Variants in ASH1L observed in about 807,000 individuals in gnomAD.
The protein encoded by ASH1L is ASH1 like histone lysine methyltransferase, also known as histone-lysine N-methyltransferase ASH1L.
A neutral mutation model predicts 269.0 loss-of-function variants in ASH1L; 23 were observed. The observed-to-expected ratio is 0.09, with a 90% CI of 0.06 to 0.12. The LOEUF (loss-of-function observed/expected upper bound fraction) is 0.12, where lower values mean the gene tolerates loss of function less well. ASH1L is among the 10% of genes least tolerant of loss of function. The probability of loss-of-function intolerance (pLI) is 1.00; values close to 1 mark genes in which losing one functional copy is unlikely to be tolerated. For missense variants in ASH1L, 2,912 were observed against 3,567.8 expected, an observed-to-expected ratio of 0.82 and a Z score of 4.68; for synonymous variants, 1,187 against 1,253.5, an observed-to-expected ratio of 0.95 and a Z score of 1.12.
At chr1:155,376,181 A>G (rs1009298092) in intron 10 of ASH1L, among the ~76,000 whole-genome samples, 1 of 152,240 alleles carries the variant, frequency 6.6e-6, no homozygotes, top group African/African-American at 2.4e-5. Flanking sequence ...GTGAGTAAAG[A>G]AAATCAGTAT....
chr1:155,499,961 T>C (rs1272490820), intron 2 of ASH1L, among the ~76,000 whole-genome samples: 1 of 152,220 alleles, frequency 6.6e-6, no homozygotes, highest in Non-Finnish European at 1.5e-5. Flanking sequence ...GCTATGAAAG[T>C]GAACTCTTCA....
intron 5 of ASH1L, among the ~76,000 whole-genome samples, chr1:155,428,928 A>G (rs1477630695): frequency 6.6e-6 from 1 of 151,676 alleles, no homozygotes; most frequent in African/African-American, 2.4e-5. Flanking sequence ...CCCACTTCAC[A>G]CCTCTATATT....
chr1:155,378,717 T>A (rs576757969), intron 8 of ASH1L, among the ~76,000 whole-genome samples, 169 bp from the exon 9 acceptor site: 1 of 152,200 alleles, frequency 6.6e-6, no homozygotes, highest in Non-Finnish European at 1.5e-5. Context: ...TGTGATCTCT[T>A]TTTACTCTGA....
At chr1:155,404,270 C>T (rs1482539941) in intron 6 of ASH1L, among the ~76,000 whole-genome samples, 4 of 151,932 alleles carry the variant, frequency 2.6e-5, no homozygotes, top group East Asian at 1.9e-4. Flanking sequence ...GTAAGATGAA[C>T]GCTTGAGTCT....
intron 2 of ASH1L, among the ~76,000 whole-genome samples, chr1:155,489,635 G>A (rs543187342): frequency 6.6e-5 from 10 of 151,946 alleles, no homozygotes; most frequent in African/African-American, 1.7e-4. Context: ...GCGGGTGCCT[G>A]TAGTCCCAGC....
chr1:155,348,593 T>A (rs1022134634), intron 19 of ASH1L, among the ~76,000 whole-genome samples: 2 of 152,044 alleles, frequency 1.3e-5, no homozygotes, highest in Admixed American at 1.3e-4. Flanking sequence ...CCTCAAGATA[T>A]ATTACTGGCC....
chr1:155,509,124 G>T (rs980191830), intron 2 of ASH1L, among the ~76,000 whole-genome samples: 2 of 152,136 alleles, frequency 1.3e-5, no homozygotes, highest in Non-Finnish European at 2.9e-5. Context: ...AGTACAGGGA[G>T]CACACTAAAA....
Position 155,480,762 on chromosome 1 carries a change from C to T in ASH1L, c.2108G>A (p.Ser703Asn). ...HCQVAESLST[S>N]LQSKPLKKRK... ...TTTTTTTAATGGTTTGGACTGCAAACTAGTACTTAGGCTTTCAGCAACTTG... is the reference window on the plus strand; with the variant it reads ...TTTTTTTAATGGTTTGGACTGCAAATTAGTACTTAGGCTTTCAGCAACTTG... Residue 703 changes from serine (S) to asparagine (N), a missense_variant, in exon 3 of 28, where the codon AGT (serine) becomes AAT (asparagine). This residue lies in a region of ASH1L where 715 missense variants were observed against 721.0 expected (regional missense o/e 0.99). Coordinates refer to ENST00000392403, the MANE Select transcript of ASH1L (RefSeq NM_018489.3). The T allele has an allele frequency of 6.2e-7, 1 of 1,613,860 alleles. No individual in the cohort carries two copies. Among genetic ancestry groups the T allele is most frequent in the Non-Finnish European group, 8.5e-7 (1 of 1,179,980 alleles).
chr1:155,357,819 G>A, intron 13 of ASH1L, 70 bp from the exon 14 acceptor site: 1 of 1,421,000 alleles, frequency 7.0e-7, no homozygotes, highest in Non-Finnish European at 9.4e-7. Context: ...CACTCAGGCT[G>A]AAGTACAATA....
chr1:155,482,539 A>G, intron 2 of ASH1L, 90 bp from the exon 3 acceptor site: 1 of 1,334,040 alleles, frequency 7.5e-7, no homozygotes, highest in Non-Finnish European at 1.0e-6. Flanking sequence ...AATGGATCAC[A>G]TATCAGATAA....
rs373014963 is a variant in ASH1L, at chr1:155,357,325, T to C, written c.7046A>G (p.Asn2349Ser). The C allele has an allele frequency of 2.6e-5, 42 of 1,612,896 alleles. No individual in the cohort carries two copies. Among genetic ancestry groups the C allele is most frequent in the South Asian group, 2.1e-4 (19 of 91,006 alleles). Residue 2349 changes from asparagine (N) to serine (S), a missense_variant, in exon 15 of 28, where the codon AAT becomes AGT. Physicochemically the swap from Asn to Ser is conservative, Grantham distance 46. Around this residue, in one of 13 missense-constraint regions of ASH1L, gnomAD observed 309 missense variants for 435.1 expected, o/e 0.71. Coordinates refer to ENST00000392403, the MANE Select transcript of ASH1L (RefSeq NM_018489.3). The stretch of plus-strand genomic sequence containing the variant: ...GATATTTCCTTTTTACCTTTCACGA[T>C]TGGACATTGGCTTCATCTGTAATTG... ...TPQLQMKPMS[N>S]RERNFVLKHH...
chr1:155,359,562 AC>A (rs1423599969), intron 13 of ASH1L, among the ~76,000 whole-genome samples: 1 of 152,046 alleles, frequency 6.6e-6, no homozygotes, highest in African/African-American at 2.4e-5. Flanking sequence ...GGCGCGAGCC[AC>A]CATGCCCAGA....
intron 3 of ASH1L, among the ~76,000 whole-genome samples, chr1:155,471,453 G>T (rs1305427046): frequency 6.6e-6 from 1 of 152,162 alleles, no homozygotes; most frequent in East Asian, 1.9e-4. Context: ...AAAAAACATG[G>T]CCAATGATCT....
intron 1 of ASH1L, among the ~76,000 whole-genome samples, chr1:155,539,708 A>G (rs1670294065): frequency 1.3e-5 from 2 of 151,842 alleles, no homozygotes; most frequent in Non-Finnish European, 2.9e-5. Flanking sequence ...TCGGCCTCCC[A>G]AAGTGCTGGG....
In ASH1L at chr1:155,481,949, T is replaced by A. The variant is rs1014914188; in HGVS notation, c.921A>T (p.Lys307Asn). The A allele has an allele frequency of 2.1e-5, 34 of 1,614,076 alleles. No homozygotes were observed. Among genetic ancestry groups the A allele is most frequent in the Middle Eastern group, 1.6e-4 (1 of 6,062 alleles). The change falls in exon 3 of 28, where the codon AAA becomes AAT. Residue 307 changes from lysine to asparagine, a missense_variant. Around this residue, in one of 13 missense-constraint regions of ASH1L, gnomAD observed 277 missense variants for 367.7 expected, o/e 0.75. Coordinates refer to ENST00000392403, the MANE Select transcript of ASH1L (RefSeq NM_018489.3). ...ATACCGCTGTAGTGCCAGTTCCCAGTTTTTTCACAGAGTCCTTATTGACCA... is the reference window on the plus strand; with the variant it reads ...ATACCGCTGTAGTGCCAGTTCCCAGATTTTTCACAGAGTCCTTATTGACCA... ...VGLVNKDSVK[K>N]LGTGTTAVFI...
At position 155,545,175 on chromosome 1, in the gene ASH1L, C is replaced by CAAAAAAAAA. The variant is rs10624841; in HGVS notation, c.-100+16969_-100+16977dup. On this transcript the variant is annotated intron_variant, in intron 1 of 27. Transcript: ENST00000392403. ...CAAGAAGAGCAAAACTCCATCTCAC[C>CAAAAAAAAA]AAAAAAAAAAAAAAAAAAAAAAAAA... Among the ~76,000 whole-genome samples, 72 of 21,784 alleles carry CAAAAAAAAA rather than the reference C, an allele frequency of 3.3e-3. 16 individuals carry two copies. The highest frequency in any genetic ancestry group is 4.1e-3 in the African/African-American group (19 of 4,638). 14.3% of individuals were successfully genotyped at this position (21,784 alleles called of 152,430 possible).
intron 4 of ASH1L, among the ~76,000 whole-genome samples, chr1:155,452,458 G>T (rs1249060008): frequency 6.6e-6 from 1 of 151,986 alleles, no homozygotes; most frequent in Non-Finnish European, 1.5e-5. Context: ...AGAACAGTTT[G>T]ACAGTTTGAT....
At chr1:155,496,182 A>T (rs973923315) in intron 2 of ASH1L, among the ~76,000 whole-genome samples, 8 of 152,174 alleles carry the variant, frequency 5.3e-5, no homozygotes, top group African/African-American at 1.9e-4. Context: ...AAAATTTTTA[A>T]ATTTGTTTTT....
At position 155,343,233 on chromosome 1, in the gene ASH1L, G is replaced by A. The variant is rs1445630813; in HGVS notation, c.8293+81C>T. On this transcript the variant is annotated intron_variant, in intron 24 of 27. Coordinates refer to ENST00000392403, the MANE Select transcript of ASH1L (RefSeq NM_018489.3). The surrounding 1 kb of genome is among the most constrained non-coding windows in gnomAD (Gnocchi z 6.1). ...TGGGCTTAAGCAATCTGCCTGCCTCGGCCTCCCACACCGCTGGGATTATCA... is the reference window on the plus strand; with the variant it reads ...TGGGCTTAAGCAATCTGCCTGCCTCAGCCTCCCACACCGCTGGGATTATCA... 16 of 1,480,118 alleles carry A rather than the reference G, an allele frequency of 1.1e-5. No individual in the cohort carries two copies. The highest frequency in any genetic ancestry group is 2.6e-5 in the South Asian group (2 of 76,008). The allele number at this position is 1,480,118 out of a possible 1,614,324, so 91.7% of individuals were successfully genotyped here.
Sources: gnomAD v4.1 joint callset for allele counts (sites outside exome capture counted in the v4.1 genomes callset) on GRCh38, gnomAD v4.1.1 for gene constraint, gnomAD v4.1.1 regional missense constraint, Gnocchi (gnomAD v3.1) non-coding constraint, MANE v1.5 for transcripts, NCBI Gene and HGNC (gene_info 2026-07-23, HGNC 2026-07-21) for gene names.